The following LHPP variants were observed in gnomAD, a reference collection of about 807,000 sequenced individuals.
LHPP encodes phospholysine phosphohistidine inorganic pyrophosphate phosphatase.
A neutral mutation model predicts 30.3 loss-of-function variants in LHPP; 24 were observed. That is an observed-to-expected ratio of 0.79 (90% CI 0.57 to 1.11). LHPP has a LOEUF of 1.11. Among genes scored for constraint, LHPP ranks in the 50% most tolerant of loss-of-function variants. The probability of loss-of-function intolerance (pLI) is 0.00; values close to 1 mark genes in which losing one functional copy is unlikely to be tolerated. For synonymous variants in LHPP, 150 were observed against 157.1 expected, an observed-to-expected ratio of 0.95 and a Z score of 0.34; for missense variants, 356 against 367.2, an observed-to-expected ratio of 0.97 and a Z score of 0.25.
rs565568985 is a variant in LHPP at position 124,550,106 on chromosome 10, G to A, written c.716+32835G>A. On this transcript the variant is annotated intron_variant, in intron 6 of 6. Transcript: ENST00000368842. Reference sequence around the variant, plus strand: ...TAAGGGCCTCCGAGCCAGGCTCCTCGTTGCAAATGGACTTCTCTCCTTTGC... The same window carrying A: ...TAAGGGCCTCCGAGCCAGGCTCCTCATTGCAAATGGACTTCTCTCCTTTGC... 4.2e-4 allele frequency among the ~76,000 whole-genome samples: 64 copies of A among 152,338 alleles called. 1 individual carries two copies. The highest frequency in any genetic ancestry group is 1.5e-3 in the African/African-American group (62 of 41,584).
intron 6 of LHPP, among the ~76,000 whole-genome samples, chr10:124,560,038 A>C (rs11245291): frequency 0.24 from 36,168 of 152,074 alleles, 4,846 homozygotes; most frequent in Middle Eastern, 0.3. Context: ...TCTGGTTTGT[A>C]GCCTGTACCA....
chr10:124,563,844 G>A (rs566976594), intron 6 of LHPP, among the ~76,000 whole-genome samples: 3 of 152,244 alleles, frequency 2.0e-5, no homozygotes, highest in Non-Finnish European at 4.4e-5. Flanking sequence ...TCTGGGACAA[G>A]CATGCCGCTG....
rs2133836472 is a variant in LHPP, at chr10:124,478,736, T to C, written c.126-5403T>C. ...AGAGGCTCGTCCTGGCCTGCTGAGA[T>C]GAGGTAAAGGTCAGTTCAAAGATCC... On this transcript the variant is annotated intron_variant, in intron 1 of 6. Transcript: ENST00000368842. The surrounding 1 kb of genome is among the most constrained non-coding windows in gnomAD (Gnocchi z 4.7). Among the ~76,000 whole-genome samples the C allele has an allele frequency of 1.3e-5, 2 of 152,104 alleles. No individual in the cohort carries two copies. Among genetic ancestry groups the C allele is most frequent in the East Asian group, 3.9e-4 (2 of 5,142 alleles).
intron 2 of LHPP, among the ~76,000 whole-genome samples, chr10:124,486,561 C>T (rs186259775): frequency 7.9e-5 from 12 of 152,352 alleles, no homozygotes; most frequent in Admixed American, 5.9e-4. Flanking sequence ...GTTGTCCCTT[C>T]GAAATGGAGT....
rs540490909 is a variant in LHPP at position 124,587,569 on chromosome 10, G to A, written c.717-25695G>A. ...AGCCTGACTAACACGGGGAAACCCCGTCTCTACTAAAAACACAAAAATTAG... is the reference window on the plus strand; with the variant it reads ...AGCCTGACTAACACGGGGAAACCCCATCTCTACTAAAAACACAAAAATTAG... On this transcript the variant is annotated intron_variant, in intron 6 of 6. Coordinates refer to ENST00000368842, the MANE Select transcript of LHPP (RefSeq NM_022126.4). Among the ~76,000 whole-genome samples, 85 of 151,208 alleles carry A rather than the reference G, an allele frequency of 5.6e-4. 1 individual carries two copies. In the South Asian group the frequency reaches 0.013, roughly 24 times the overall value.
chr10:124,513,461 A>AATT (rs1564802648), intron 5 of LHPP, among the ~76,000 whole-genome samples: 1 of 69,814 alleles, frequency 1.4e-5, no homozygotes, highest in African/African-American at 6.1e-5. Flanking sequence ...AATTATTATT[A>AATT]CTTTTTTTTT....
At chr10:124,545,455 G>C (rs1955311615) in intron 6 of LHPP, among the ~76,000 whole-genome samples, 1 of 152,242 alleles carries the variant, frequency 6.6e-6, no homozygotes, top group African/African-American at 2.4e-5. Flanking sequence ...GGCAGCCCAT[G>C]CACCCAGGCA....
chr10:124,534,165 C>G lies in LHPP; in HGVS notation c.716+16894C>G, dbSNP rs368051689. On this transcript the variant is annotated intron_variant, in intron 6 of 6. Transcript: ENST00000368842. Reference sequence around the variant, plus strand: ...AAGTGAGTGTGACGCAGGAGAGTCTCTCTGCATGGGCCACCCACAATTGCA... The same window carrying G: ...AAGTGAGTGTGACGCAGGAGAGTCTGTCTGCATGGGCCACCCACAATTGCA... Among the ~76,000 whole-genome samples the G allele has an allele frequency of 2.6e-5, 4 of 152,228 alleles. No homozygotes were observed. The East Asian group carries it at 7.7e-4, about 29-fold the overall frequency.
At chr10:124,591,167 C>G (rs897289) in intron 6 of LHPP, among the ~76,000 whole-genome samples, 116,575 of 152,060 alleles carry the variant, frequency 0.77, 46,083 homozygotes, top group South Asian at 0.88. Context: ...GTGAGGCAAG[C>G]GGGGAAGACT....
intron 6 of LHPP, among the ~76,000 whole-genome samples, chr10:124,606,288 C>T (rs192293922): frequency 3.3e-5 from 5 of 152,008 alleles, no homozygotes; most frequent in Admixed American, 3.3e-4. Context: ...GGGGGGACAG[C>T]AGCAAGGACG....
In LHPP at chr10:124,597,805, T is replaced by C. The variant is rs1168035056; in HGVS notation, c.717-15459T>C. The stretch of plus-strand genomic sequence containing the variant: ...CCTCGGGGGGATCTGGCCGTTGGAG[T>C]GCGCACTGGGAGGGACGGAGTCAGC... On this transcript the variant is annotated intron_variant, in intron 6 of 6. Coordinates refer to ENST00000368842, the MANE Select transcript of LHPP (RefSeq NM_022126.4). Among the ~76,000 whole-genome samples the C allele has an allele frequency of 2.6e-5, 4 of 151,964 alleles. No homozygotes were observed. The East Asian group carries it at 7.7e-4, about 29-fold the overall frequency.
chr10:124,503,997 G>T (rs1953986912), intron 5 of LHPP, among the ~76,000 whole-genome samples: 1 of 152,094 alleles, frequency 6.6e-6, no homozygotes, highest in African/African-American at 2.4e-5. Flanking sequence ...TTCCAGACCA[G>T]CCTGGCCAAC....
Position 124,541,057 on chromosome 10 carries a change from G to A in LHPP, c.716+23786G>A, listed in dbSNP as rs545442200. ...TAAATTATTTAACAGCTTTTTTAAT[G>A]GAGGAAGGGGCCCCCCAAATCACAA... On this transcript the variant is annotated intron_variant, in intron 6 of 6. Coordinates refer to ENST00000368842, the MANE Select transcript of LHPP (RefSeq NM_022126.4). The surrounding 1 kb of genome is among the most constrained non-coding windows in gnomAD (Gnocchi z 4.2). Among the ~76,000 whole-genome samples the A allele has an allele frequency of 8.5e-5, 13 of 152,324 alleles. No homozygotes were observed. The East Asian group carries it at 2.1e-3, about 25-fold the overall frequency.
intron 2 of LHPP, among the ~76,000 whole-genome samples, chr10:124,486,689 C>G (rs569633598): frequency 6.6e-6 from 1 of 152,224 alleles, no homozygotes; most frequent in African/African-American, 2.4e-5. Flanking sequence ...GACATTAGCA[C>G]CTGTGTGACT....
At chr10:124,534,339 A>G (rs1259730980) in intron 6 of LHPP, among the ~76,000 whole-genome samples, 2 of 152,122 alleles carry the variant, frequency 1.3e-5, no homozygotes, top group Non-Finnish European at 2.9e-5. Flanking sequence ...CTTGTCTTTT[A>G]GTTTGTTTTG....
intron 1 of LHPP, among the ~76,000 whole-genome samples, chr10:124,463,931 C>G (rs1952483948): frequency 6.6e-6 from 1 of 151,908 alleles, no homozygotes; most frequent in Admixed American, 6.6e-5. Flanking sequence ...ATCCTCCCAC[C>G]TCAGCCTCCC....
rs531261892 is a variant in LHPP at position 124,508,218 on chromosome 10, G to A, written c.625-8962G>A. On this transcript the variant is annotated intron_variant, in intron 5 of 6. Transcript: ENST00000368842. ...CCTCCCCCATGGGTGTTTCCACTGA[G>A]GCCTCCCCACGAACTCTGTTGGCTG... Among the ~76,000 whole-genome samples the A allele has an allele frequency of 3.9e-5, 6 of 152,218 alleles. No individual in the cohort carries two copies. The South Asian group carries it at 1.0e-3, about 26-fold the overall frequency.
chr10:124,462,042 C>G (rs1176095285), intron 1 of LHPP, 55 bp downstream of exon 1: 2 of 1,188,420 alleles, frequency 1.7e-6, no homozygotes, highest in Admixed American at 4.5e-5. Flanking sequence ...TCAGCCCGCT[C>G]CCTGGCTGCC....
intron 6 of LHPP, chr10:124,526,330 G>GC (rs1347658005): frequency 2.7e-6 from 2 of 736,588 alleles, no homozygotes; most frequent in African/African-American, 3.8e-5. Flanking sequence ...TCTACACCCT[G>GC]CAACAGCCCA....
Sources: allele counts gnomAD v4.1 joint callset (sites outside exome capture counted in the v4.1 genomes callset), GRCh38; gene constraint gnomAD v4.1.1; non-coding constraint Gnocchi (gnomAD v3.1); transcripts MANE v1.5; gene names NCBI Gene and HGNC (gene_info 2026-07-23, HGNC 2026-07-21).